The following PPP3CC variants were observed in gnomAD, a reference collection of about 807,000 sequenced individuals.
PPP3CC encodes serine/threonine-protein phosphatase 2B catalytic subunit gamma isoform.
PPP3CC carries 35 observed loss-of-function variants against 60.3 expected under a neutral mutation model. That is an observed-to-expected ratio of 0.58 (90% CI 0.44 to 0.77). The LOEUF is 0.77. Ranked by LOEUF, PPP3CC falls within the 30% of genes least tolerant of loss-of-function variation. The probability of loss-of-function intolerance (pLI) is 0.00; values close to 1 mark genes in which losing one functional copy is unlikely to be tolerated. For missense variants in PPP3CC, 570 were observed against 628.9 expected, an observed-to-expected ratio of 0.91 and a Z score of 1.00; for synonymous variants, 206 against 224.3, an observed-to-expected ratio of 0.92 and a Z score of 0.73.
intron 12 of PPP3CC, among the ~76,000 whole-genome samples, chr8:22,537,160 A>G (rs1839861909): frequency 1.3e-5 from 2 of 152,236 alleles, no homozygotes; most frequent in Admixed American, 1.3e-4. Flanking sequence ...ATGGTTGAAA[A>G]TGTTTTCAAA....
intron 6 of PPP3CC, among the ~76,000 whole-genome samples, chr8:22,518,629 T>C (rs1419481565): frequency 6.6e-6 from 1 of 152,208 alleles, no homozygotes; most frequent in Non-Finnish European, 1.5e-5. Context: ...TGTTTGCTTA[T>C]TGATTTCTGA....
At chr8:22,539,738 T>C (rs1839919089) in intron 13 of PPP3CC, among the ~76,000 whole-genome samples, 1 of 152,228 alleles carries the variant, frequency 6.6e-6, no homozygotes. Context: ...TCAGCTTTAA[T>C]GCAACGGCAG....
Position 22,472,363 on chromosome 8 carries a change from A to AACACACACACACACACACACACACACAC in PPP3CC, c.50-2574_50-2547dup, listed in dbSNP as rs71546810. Among the ~76,000 whole-genome samples the AACACACACACACACACACACACACACAC allele has an allele frequency of 3.7e-4, 46 of 125,714 alleles. 2 individuals are homozygous for AACACACACACACACACACACACACACAC. Among genetic ancestry groups the AACACACACACACACACACACACACACAC allele is most frequent in the Middle Eastern group, 4.1e-3 (1 of 244 alleles). 82.5% of individuals were successfully genotyped at this position (125,714 alleles called of 152,430 possible). The stretch of plus-strand genomic sequence containing the variant: ...CTTTTAGAATATTTTGGTAAAAATG[A>AACACACACACACACACACACACACACAC]ACACACACACACACACACACACACA... On this transcript the variant is annotated intron_variant, in intron 1 of 13. Transcript: ENST00000240139.
At chr8:22,525,992 C>T (rs909312040) in intron 8 of PPP3CC, among the ~76,000 whole-genome samples, 1 of 151,694 alleles carries the variant, frequency 6.6e-6, no homozygotes, top group Non-Finnish European at 1.5e-5. Flanking sequence ...CTCAGCCTCC[C>T]GAGTAGCTGG....
chr8:22,450,383 T>C (rs964250437), intron 1 of PPP3CC, among the ~76,000 whole-genome samples: 1 of 152,190 alleles, frequency 6.6e-6, no homozygotes, highest in African/African-American at 2.4e-5. Flanking sequence ...ATTTTCTAAG[T>C]GTATTTTTCA....
intron 1 of PPP3CC, among the ~76,000 whole-genome samples, chr8:22,470,328 C>T (rs1448983245): frequency 6.6e-6 from 1 of 151,876 alleles, no homozygotes; most frequent in African/African-American, 2.4e-5. Flanking sequence ...TCTAGCTATC[C>T]AACAATAAGA....
intron 3 of PPP3CC, among the ~76,000 whole-genome samples, chr8:22,484,562 T>G (rs1838167259): frequency 1.3e-5 from 2 of 152,222 alleles, no homozygotes; most frequent in South Asian, 4.1e-4. Flanking sequence ...AAATTTTGAG[T>G]AAAGTAGTTT....
chr8:22,461,537 A>G (rs964188984), intron 1 of PPP3CC, among the ~76,000 whole-genome samples: 4 of 152,186 alleles, frequency 2.6e-5, no homozygotes, highest in African/African-American at 7.2e-5. Context: ...TTTAAAAGGT[A>G]TGTGGTAAAA....
intron 3 of PPP3CC, among the ~76,000 whole-genome samples, chr8:22,493,903 C>G (rs1472256767): frequency 1.3e-5 from 2 of 152,056 alleles, no homozygotes; most frequent in Non-Finnish European, 2.9e-5. Flanking sequence ...ATTGTATGTG[C>G]TATACTTTTA....
At chr8:22,475,228 C>A in intron 2 of PPP3CC, 77 bp downstream of exon 2, 4 of 1,369,258 alleles carry the variant, frequency 2.9e-6, no homozygotes, top group Admixed American at 2.1e-5. Context: ...TTACAAATAA[C>A]CAGCTAAAAA....
intron 4 of PPP3CC, among the ~76,000 whole-genome samples, chr8:22,509,442 G>T (rs1371029007): frequency 1.3e-5 from 2 of 152,136 alleles, no homozygotes. Flanking sequence ...GGTTCTGCAG[G>T]GTTGCCTGAC....
chr8:22,472,960 A>G (rs1280864189), intron 1 of PPP3CC, among the ~76,000 whole-genome samples: 1 of 152,122 alleles, frequency 6.6e-6, no homozygotes, highest in Non-Finnish European at 1.5e-5. Context: ...ACTACAGTCC[A>G]TTGTTGACCA....
In PPP3CC at chr8:22,466,128, G is replaced by C. The variant is rs190159675; in HGVS notation, c.50-8826G>C. On this transcript the variant is annotated intron_variant, in intron 1 of 13. Coordinates refer to ENST00000240139, the MANE Select transcript of PPP3CC (RefSeq NM_005605.5). ...TTGTGATAGTTTGCTGAGAATGATG[G>C]TTTCCAGCTTCATCCATGTCCCTGC... Among the ~76,000 whole-genome samples the C allele has an allele frequency of 3.0e-4, 46 of 151,908 alleles. No individual in the cohort carries two copies. In the East Asian group the frequency reaches 5.7e-3, roughly 19 times the overall value.
At chr8:22,479,589 C>T (rs913499021) in intron 3 of PPP3CC, among the ~76,000 whole-genome samples, 6 of 151,484 alleles carry the variant, frequency 4.0e-5, no homozygotes, top group African/African-American at 1.5e-4. Flanking sequence ...ACTAAAAATA[C>T]AAAAATTAGC....
intron 4 of PPP3CC, among the ~76,000 whole-genome samples, chr8:22,498,719 A>G (rs1185770463): frequency 2.0e-5 from 3 of 152,226 alleles, no homozygotes; most frequent in Non-Finnish European, 4.4e-5. Flanking sequence ...AAAGTATTCC[A>G]TCTTACGAAC....
chr8:22,523,562 TG>T (rs1426937049), intron 8 of PPP3CC: 1 of 382,056 alleles, frequency 2.6e-6, no homozygotes, highest in African/African-American at 2.1e-5. Flanking sequence ...GTAGTTACCT[TG>T]GGAGGCTACA....
intron 1 of PPP3CC, among the ~76,000 whole-genome samples, chr8:22,461,777 A>G (rs1413952784): frequency 1.3e-5 from 2 of 152,218 alleles, no homozygotes; most frequent in Non-Finnish European, 2.9e-5. Context: ...GAGTAATGTT[A>G]GGATAAAGGT....
intron 1 of PPP3CC, among the ~76,000 whole-genome samples, chr8:22,458,288 T>G: frequency 6.6e-6 from 1 of 151,972 alleles, no homozygotes; most frequent in East Asian, 1.9e-4. Context: ...TTGATACAAA[T>G]TTTAGAACTT....
intron 3 of PPP3CC, among the ~76,000 whole-genome samples, chr8:22,494,672 G>C (rs1228040703): frequency 6.6e-6 from 1 of 152,180 alleles, no homozygotes; most frequent in Non-Finnish European, 1.5e-5. Context: ...CATGTGGAGA[G>C]TGATCTACTA....
Sources: allele counts gnomAD v4.1 joint callset (sites outside exome capture counted in the v4.1 genomes callset), GRCh38; gene constraint gnomAD v4.1.1; transcripts MANE v1.5; gene names NCBI Gene and HGNC (gene_info 2026-07-23, HGNC 2026-07-21).